The following NDUFAF6 variants were observed in gnomAD, a reference collection of about 807,000 sequenced individuals.
NDUFAF6 encodes the protein NADH dehydrogenase (ubiquinone) complex I, assembly factor 6.
A neutral mutation model predicts 40.8 loss-of-function variants in NDUFAF6; 45 were observed. The observed-to-expected ratio is 1.10, with a 90% CI of 0.87 to 1.42. NDUFAF6 has a LOEUF of 1.42. Ranked by LOEUF, NDUFAF6 falls within the 40% of genes most tolerant of loss-of-function variation. The probability of loss-of-function intolerance (pLI) is 0.00; values close to 1 mark genes in which losing one functional copy is unlikely to be tolerated. For synonymous variants in NDUFAF6, 185 were observed against 155.9 expected, an observed-to-expected ratio of 1.19 and a Z score of -1.39; for missense variants, 435 against 418.5, an observed-to-expected ratio of 1.04 and a Z score of -0.34.
intron 1 of NDUFAF6, among the ~76,000 whole-genome samples, chr8:94,958,711 G>T (rs113548776): frequency 1.3e-5 from 2 of 151,616 alleles, no homozygotes; most frequent in Admixed American, 1.3e-4. Context: ...GGGTTTTACC[G>T]TATTGACCAG....
intron 2 of NDUFAF6, among the ~76,000 whole-genome samples, chr8:94,952,123 C>T (rs1200585450): frequency 6.6e-6 from 1 of 152,208 alleles, no homozygotes; most frequent in Non-Finnish European, 1.5e-5. Context: ...GAGCTCAATA[C>T]GCTCCCTTAT....
upstream of NDUFAF6, among the ~76,000 whole-genome samples, chr8:95,024,105 T>C (rs1422255227): frequency 6.6e-6 from 1 of 152,248 alleles, no homozygotes; most frequent in African/African-American, 2.4e-5. Flanking sequence ...ATTGAAAATT[T>C]TGACTCCTTG....
At chr8:95,073,828 A>T (rs891470897) in intron 9 of NDUFAF6, among the ~76,000 whole-genome samples, 3 of 152,098 alleles carry the variant, frequency 2.0e-5, no homozygotes, top group Non-Finnish European at 2.9e-5. Context: ...AGACTTTAAA[A>T]CCTGCCAACC....
At chr8:95,054,538 G>A (rs530659153) in intron 8 of NDUFAF6, among the ~76,000 whole-genome samples, 5 of 151,700 alleles carry the variant, frequency 3.3e-5, no homozygotes, top group East Asian at 3.9e-4. Flanking sequence ...GGGTTCAAGC[G>A]ATTCTCCTGC....
intron 1 of NDUFAF6, among the ~76,000 whole-genome samples, chr8:94,961,960 T>C (rs1258951227): frequency 6.6e-6 from 1 of 152,176 alleles, no homozygotes; most frequent in Non-Finnish European, 1.5e-5. Flanking sequence ...ATTCAGTAGG[T>C]CTGGAGTGAG....
intron 1 of NDUFAF6, among the ~76,000 whole-genome samples, chr8:94,942,489 T>C (rs1821639212): frequency 6.6e-6 from 1 of 152,186 alleles, no homozygotes; most frequent in South Asian, 2.1e-4. Context: ...GCCAAAACTG[T>C]CTACTAGACA....
chr8:94,970,586 T>TA (rs536563628), intron 1 of NDUFAF6, among the ~76,000 whole-genome samples: 19 of 148,384 alleles, frequency 1.3e-4, no homozygotes, highest in African/African-American at 2.9e-4. Context: ...TTCCCATCTC[T>TA]AAAAAAAAAT....
At chr8:95,037,456 C>T (rs1031388) in intron 3 of NDUFAF6, among the ~76,000 whole-genome samples, 112,777 of 152,060 alleles carry the variant, frequency 0.74, 42,610 homozygotes, top group East Asian at 0.94. Context: ...ACATGCCCAT[C>T]GGCCCAGATG....
chr8:94,902,095 C>T (rs1230986495), intron 1 of NDUFAF6, among the ~76,000 whole-genome samples: 1 of 151,934 alleles, frequency 6.6e-6, no homozygotes, highest in Non-Finnish European at 1.5e-5. Flanking sequence ...TCCCTAAGTA[C>T]TTTAGCATGC....
chr8:94,959,978 C>G (rs920685860), intron 1 of NDUFAF6, among the ~76,000 whole-genome samples: 2 of 152,238 alleles, frequency 1.3e-5, no homozygotes, highest in African/African-American at 4.8e-5. Context: ...TTTACTTCTA[C>G]AAACTCTCTT....
intron 2 of NDUFAF6, among the ~76,000 whole-genome samples, chr8:95,016,145 A>ATG (rs1312029360): frequency 1.3e-5 from 2 of 152,132 alleles, no homozygotes; most frequent in African/African-American, 4.8e-5. Flanking sequence ...TGCCTTACAT[A>ATG]TATTAATGTA....
chr8:94,990,177 T>C (rs990218374), intron 2 of NDUFAF6, among the ~76,000 whole-genome samples: 2 of 152,178 alleles, frequency 1.3e-5, no homozygotes, highest in African/African-American at 4.8e-5. Context: ...CCTGAGTGAC[T>C]GTGGAGCAAG....
At chr8:95,027,519 G>T (rs534448107) in intron 1 of NDUFAF6, among the ~76,000 whole-genome samples, 11 of 150,588 alleles carry the variant, frequency 7.3e-5, no homozygotes, top group African/African-American at 2.4e-4. Context: ...GGTTGAGGCT[G>T]CAGTGAGCCA....
upstream of NDUFAF6, among the ~76,000 whole-genome samples, chr8:94,954,018 A>G (rs375884754): frequency 6.6e-6 from 1 of 152,038 alleles, no homozygotes; most frequent in East Asian, 1.9e-4. Flanking sequence ...AGGAGTAGGC[A>G]TTTATTTCTC....
At chr8:95,112,251 C>T (rs1810018401) in intron 4 of NDUFAF6, among the ~76,000 whole-genome samples, 1 of 152,188 alleles carries the variant, frequency 6.6e-6, no homozygotes, top group Non-Finnish European at 1.5e-5. Context: ...CCCCCAGAAC[C>T]TGTGGATTTG....
At chr8:95,053,606 G>A (rs1017895072) in intron 8 of NDUFAF6, among the ~76,000 whole-genome samples, 5 of 151,682 alleles carry the variant, frequency 3.3e-5, no homozygotes, top group Non-Finnish European at 5.9e-5. Flanking sequence ...AAAGCTTCCC[G>A]TTTTACTTTT....
intron 4 of NDUFAF6, among the ~76,000 whole-genome samples, chr8:95,110,447 TAAA>T (rs1809968350): frequency 1.3e-5 from 2 of 152,202 alleles, no homozygotes; most frequent in South Asian, 4.1e-4. Flanking sequence ...CACATTCCAG[TAAA>T]AATAAGTTAG....
downstream of NDUFAF6, among the ~76,000 whole-genome samples, chr8:95,108,370 G>A (rs138349663): frequency 3.7e-4 from 56 of 152,224 alleles, no homozygotes; most frequent in Middle Eastern, 6.8e-3. Flanking sequence ...ATATTTCCTA[G>A]CCTTAAAAAG....
intron 7 of NDUFAF6, among the ~76,000 whole-genome samples, chr8:95,050,789 A>G (rs1831338833): frequency 6.6e-6 from 1 of 152,164 alleles, no homozygotes; most frequent in Non-Finnish European, 1.5e-5. Context: ...GTTTATGTGT[A>G]TATACATTTA....
Sources: gnomAD v4.1 joint callset for allele counts (sites outside exome capture counted in the v4.1 genomes callset) on GRCh38, gnomAD v4.1.1 for gene constraint, MANE v1.5 for transcripts, NCBI Gene and HGNC (gene_info 2026-07-23, HGNC 2026-07-21) for gene names.